SETBP1: variants seen among roughly 807,000 people sequenced by gnomAD.
SETBP1 encodes SET-binding protein.
A neutral mutation model predicts 101.0 loss-of-function variants in SETBP1; 9 were observed. The ratio of observed to expected loss-of-function variants is 0.09; its 90% confidence interval spans 0.05 to 0.16. SETBP1 has a LOEUF of 0.16. Ranked by LOEUF, SETBP1 falls within the 10% of genes least tolerant of loss-of-function variation. The pLI, the probability that SETBP1 is intolerant of heterozygous loss-of-function variation, is 1.00. For synonymous variants in SETBP1, 818 were observed against 788.5 expected (o/e 1.04, Z -0.63); for missense variants, 1,858 against 2,033.8 (o/e 0.91, Z 1.66).
intron 3 of SETBP1, among the ~76,000 whole-genome samples, chr18:44,897,370 T>C (rs536371854): frequency 6.6e-6 from 1 of 152,190 alleles, no homozygotes; most frequent in African/African-American, 2.4e-5. Context: ...GTGAAGACAA[T>C]ATGGTGCTTC....
At chr18:44,899,448 C>T (rs994354472) in intron 3 of SETBP1, among the ~76,000 whole-genome samples, 3 of 152,124 alleles carry the variant, frequency 2.0e-5, no homozygotes, top group Non-Finnish European at 4.4e-5. Flanking sequence ...GCAATAGTTC[C>T]TCAGGCCAGT....
At chr18:44,915,524 A>C (rs1358105504) in intron 3 of SETBP1, among the ~76,000 whole-genome samples, 2 of 152,224 alleles carry the variant, frequency 1.3e-5, no homozygotes, top group Admixed American at 1.3e-4. Flanking sequence ...AAAAAGACAA[A>C]AACACATAAA....
intron 2 of SETBP1, among the ~76,000 whole-genome samples, chr18:44,829,152 A>G (rs1204208759): frequency 2.6e-5 from 4 of 152,214 alleles, no homozygotes; most frequent in Admixed American, 6.5e-5. Flanking sequence ...GTGAAGAGAA[A>G]TGGTTCCCAC....
At chr18:44,816,324 A>G (rs2071975442) in intron 2 of SETBP1, among the ~76,000 whole-genome samples, 1 of 152,138 alleles carries the variant, frequency 6.6e-6, no homozygotes, top group South Asian at 2.1e-4. Context: ...GCTACAATGC[A>G]AATTCTCAGG....
chr18:44,757,109 A>G (rs994144450), intron 2 of SETBP1, among the ~76,000 whole-genome samples: 9 of 152,082 alleles, frequency 5.9e-5, no homozygotes, highest in Admixed American at 4.6e-4. Context: ...AAGATAAGAT[A>G]CAGTTGTTAG....
intron 2 of SETBP1, among the ~76,000 whole-genome samples, chr18:44,781,448 GCTCTCTCT>G (rs139439080): frequency 7.0e-6 from 1 of 142,668 alleles, no homozygotes; most frequent in East Asian, 2.1e-4. Flanking sequence ...TCTTTGCACC[GCTCTCTCT>G]CTCTCTCTCT....
intron 3 of SETBP1, among the ~76,000 whole-genome samples, chr18:44,907,522 C>T (rs971335645): frequency 6.6e-6 from 1 of 152,134 alleles, no homozygotes; most frequent in East Asian, 1.9e-4. Context: ...CATTTTCTGT[C>T]GTCCATCTGT....
chr18:44,890,180 G>A (rs2069735951), intron 3 of SETBP1, among the ~76,000 whole-genome samples: 1 of 151,996 alleles, frequency 6.6e-6, no homozygotes, highest in African/African-American at 2.4e-5. Context: ...TCACTATGTT[G>A]TAAAATAGGT....
chr18:44,707,580 G>GGAAAGAC (rs1384568160), intron 2 of SETBP1, among the ~76,000 whole-genome samples: 8 of 152,260 alleles, frequency 5.3e-5, no homozygotes, highest in African/African-American at 1.7e-4. Flanking sequence ...ATATGCCTAG[G>GGAAAGAC]GAAAGACTCT....
chr18:44,944,602 G>A (rs940252292), intron 3 of SETBP1, among the ~76,000 whole-genome samples: 1 of 152,112 alleles, frequency 6.6e-6, no homozygotes, highest in Admixed American at 6.5e-5. Flanking sequence ...GAAGTGCCAT[G>A]TTCCAAATTA....
At chr18:45,059,341 A>C (rs1395856592) in intron 5 of SETBP1, among the ~76,000 whole-genome samples, 1 of 152,174 alleles carries the variant, frequency 6.6e-6, no homozygotes, top group African/African-American at 2.4e-5. Context: ...CAAATATCAC[A>C]CCTACGGAAA....
At chr18:44,832,208 A>G (rs2072387662) in intron 2 of SETBP1, among the ~76,000 whole-genome samples, 1 of 152,192 alleles carries the variant, frequency 6.6e-6, no homozygotes, top group Non-Finnish European at 1.5e-5. Flanking sequence ...AGAGTTGAAA[A>G]AGGTGTAGGC....
chr18:44,735,667 A>G (rs1340132086), intron 2 of SETBP1, among the ~76,000 whole-genome samples: 1 of 152,182 alleles, frequency 6.6e-6, no homozygotes, highest in Non-Finnish European at 1.5e-5. Flanking sequence ...CCTGGGATAA[A>G]AATGAAAAGG....
intron 4 of SETBP1, among the ~76,000 whole-genome samples, chr18:45,020,540 G>T (rs1342154217): frequency 6.6e-6 from 1 of 152,118 alleles, no homozygotes; most frequent in African/African-American, 2.4e-5. Context: ...CCTTAAGGTG[G>T]CCAGGTGAAT....
At chr18:44,818,867 C>T (rs1313784801) in intron 2 of SETBP1, among the ~76,000 whole-genome samples, 1 of 151,986 alleles carries the variant, frequency 6.6e-6, no homozygotes, top group Non-Finnish European at 1.5e-5. Flanking sequence ...ACCATACACT[C>T]ATCATCTTAC....
At chr18:45,006,077 C>T (rs1157323660) in intron 4 of SETBP1, among the ~76,000 whole-genome samples, 7 of 150,962 alleles carry the variant, frequency 4.6e-5, no homozygotes, top group Non-Finnish European at 8.8e-5. Flanking sequence ...CCTCAGCCTC[C>T]TGAGTAGCTG....
Position 44,839,341 on chromosome 18 carries a change from G to A in SETBP1, c.487-29889G>A, listed in dbSNP as rs993785791. 2.0e-5 allele frequency among the ~76,000 whole-genome samples: 3 copies of A among 152,330 alleles called. No homozygotes were observed. The South Asian group carries it at 6.2e-4, about 32-fold the overall frequency. On this transcript the variant is annotated intron_variant, in intron 2 of 5. Coordinates refer to ENST00000649279, the MANE Select transcript of SETBP1 (RefSeq NM_015559.3). ...CTCCACTTCCGTCACCCCGGGGGAT[G>A]GGCAGACTGGTGTGTGAATGGGGAA...
chr18:44,909,716 C>T lies in SETBP1; in HGVS notation c.541-40165C>T, dbSNP rs138119376. Among the ~76,000 whole-genome samples the T allele has an allele frequency of 4.9e-3, 753 of 152,280 alleles. 8 individuals carry two copies. The highest frequency in any genetic ancestry group is 0.017 in the African/African-American group (725 of 41,546). ...CAGCACAGTTATTATTATCCTGATT[C>T]TACAGATGACAAAACCAAGGCACAG... On this transcript the variant is annotated intron_variant, in intron 3 of 5. Coordinates refer to ENST00000649279, the MANE Select transcript of SETBP1 (RefSeq NM_015559.3).
intron 2 of SETBP1, among the ~76,000 whole-genome samples, chr18:44,787,855 C>T (rs1479708795): frequency 6.4e-4 from 1 of 1,574 alleles, no homozygotes; most frequent in Non-Finnish European, 2.5e-3. Flanking sequence ...AGCGAGAGTC[C>T]GTCTCAAAAA....
Sources: gnomAD v4.1 joint callset for allele counts (sites outside exome capture counted in the v4.1 genomes callset) on GRCh38, gnomAD v4.1.1 for gene constraint, MANE v1.5 for transcripts, NCBI Gene and HGNC (gene_info 2026-07-23, HGNC 2026-07-21) for gene names.